Variants in RPH3A observed in about 807,000 individuals in gnomAD.
RPH3A encodes rabphilin-3A.
Under a neutral mutation model 102.2 loss-of-function variants are expected in RPH3A, and 48 were observed. That is an observed-to-expected ratio of 0.47 (90% CI 0.37 to 0.60). RPH3A has a LOEUF of 0.60. Ranked by LOEUF, RPH3A falls within the 20% of genes least tolerant of loss-of-function variation. The pLI, the probability that RPH3A is intolerant of heterozygous loss-of-function variation, is 0.00. For synonymous variants in RPH3A, 310 were observed against 324.3 expected, an observed-to-expected ratio of 0.96 and a Z score of 0.47; for missense variants, 781 against 910.1, an observed-to-expected ratio of 0.86 and a Z score of 1.83.
intron 1 of RPH3A, among the ~76,000 whole-genome samples, chr12:112,717,053 C>G (rs998114878): frequency 7.2e-5 from 11 of 152,168 alleles, no homozygotes; most frequent in Admixed American, 7.2e-4. Flanking sequence ...ATTCTTATAA[C>G]GGCCTATAAC....
rs574003285 is a variant in RPH3A, at chr12:112,888,009, A to G, written c.1563+86A>G. The G allele has an allele frequency of 1.1e-4, 161 of 1,488,628 alleles. 2 individuals carry two copies. In the African/African-American group the frequency reaches 1.4e-3, roughly 13 times the overall value. The allele number at this position is 1,488,628 out of a possible 1,614,324, so 92.2% of individuals were successfully genotyped here. On this transcript the variant is annotated intron_variant, in intron 17 of 21. Transcript: ENST00000389385. ...TCTGGGTCTGAATTGGGGGAAATAGATCCACGGGGTATTGGGTAGCAGAGG... is the reference window on the plus strand; with the variant it reads ...TCTGGGTCTGAATTGGGGGAAATAGGTCCACGGGGTATTGGGTAGCAGAGG...
intron 2 of RPH3A, among the ~76,000 whole-genome samples, chr12:112,814,088 G>A (rs531784949): frequency 1.3e-3 from 190 of 151,612 alleles, no homozygotes; most frequent in African/African-American, 3.5e-3. Flanking sequence ...GAGTGTGCAC[G>A]AGTGTGTAGG....
intron 2 of RPH3A, among the ~76,000 whole-genome samples, chr12:112,792,900 G>A (rs2041152328): frequency 6.6e-6 from 1 of 152,220 alleles, no homozygotes; most frequent in Non-Finnish European, 1.5e-5. Flanking sequence ...GAAGGGAGCA[G>A]CCACTGCCTG....
chr12:112,787,289 T>C (rs1288695669), upstream of RPH3A, among the ~76,000 whole-genome samples: 1 of 152,176 alleles, frequency 6.6e-6, no homozygotes, highest in African/African-American at 2.4e-5. Flanking sequence ...GGGCCATTAT[T>C]TTGCCTACCA....
At chr12:112,758,516 C>T (rs766223538) in intron 1 of RPH3A, among the ~76,000 whole-genome samples, 1 of 152,224 alleles carries the variant, frequency 6.6e-6, no homozygotes, top group Non-Finnish European at 1.5e-5. Flanking sequence ...GAAAAGCCCA[C>T]TATTTATTGA....
intron 1 of RPH3A, among the ~76,000 whole-genome samples, chr12:112,731,305 A>C (rs2040633022): frequency 6.6e-6 from 1 of 152,164 alleles, no homozygotes; most frequent in Non-Finnish European, 1.5e-5. Flanking sequence ...ATAAGTTTCC[A>C]TTCTCTGTTT....
intron 1 of RPH3A, among the ~76,000 whole-genome samples, chr12:112,577,127 C>T (rs1351471963): frequency 6.6e-6 from 1 of 151,924 alleles, no homozygotes. Context: ...AAAAAAAATT[C>T]GGGGCGAGTA....
chr12:112,641,663 G>A (rs139841026), intron 1 of RPH3A, among the ~76,000 whole-genome samples: 1 of 152,310 alleles, frequency 6.6e-6, no homozygotes, highest in East Asian at 1.9e-4. Context: ...CTCCCAAAGT[G>A]CTGGGATTAC....
At chr12:112,593,687 T>C (rs1722113767) in intron 1 of RPH3A, among the ~76,000 whole-genome samples, 1 of 152,236 alleles carries the variant, frequency 6.6e-6, no homozygotes, top group Admixed American at 6.5e-5. Context: ...CCAACTCTTA[T>C]TGAGTGCTGT....
intron 1 of RPH3A, among the ~76,000 whole-genome samples, chr12:112,643,705 T>G (rs1445145683): frequency 6.6e-6 from 1 of 152,168 alleles, no homozygotes; most frequent in Non-Finnish European, 1.5e-5. Context: ...GCAGGTGATC[T>G]CAGAAAACAG....
rs34648570 is a variant in RPH3A, at chr12:112,781,192, A to AAAC, written c.-139-10930_-139-10928dup. On this transcript the variant is annotated intron_variant, in intron 1 of 21. Coordinates refer to the RPH3A transcript ENST00000543106. ...CAAAACAAAACAAACAAAAAAACCAAAACAACAACAACAACAACAACAAAA... is the reference window on the plus strand; with the variant it reads ...CAAAACAAAACAAACAAAAAAACCAAAACAACAACAACAACAACAACAACAAAA... Among the ~76,000 whole-genome samples the AAAC allele has an allele frequency of 2.3e-3, 341 of 151,022 alleles. 1 individual carries two copies. Among genetic ancestry groups the AAAC allele is most frequent in the African/African-American group, 7.6e-3 (312 of 41,030 alleles).
intron 13 of RPH3A, among the ~76,000 whole-genome samples, chr12:112,877,440 A>G (rs2136239209): frequency 6.6e-6 from 1 of 151,878 alleles, no homozygotes; most frequent in African/African-American, 2.4e-5. Flanking sequence ...ACACACACAC[A>G]CACACACACA....
chr12:112,857,046 G>GGT (rs138676313), intron 5 of RPH3A, among the ~76,000 whole-genome samples: 33 of 150,118 alleles, frequency 2.2e-4, no homozygotes, highest in South Asian at 4.2e-4. Flanking sequence ...CATCTGCAGG[G>GGT]GTGTGTGTGT....
In RPH3A at chr12:112,881,731, C is replaced by T. The variant is rs148093874; in HGVS notation, c.1252-41C>T. Reference sequence around the variant, plus strand: ...TTGCCGATGACAGCTGAGCACTGGGCCCTCCTGAGGCCCTCACACCATTGC... The same window carrying T: ...TTGCCGATGACAGCTGAGCACTGGGTCCTCCTGAGGCCCTCACACCATTGC... On this transcript the variant is annotated intron_variant, in intron 14 of 21. Coordinates refer to ENST00000389385, the MANE Select transcript of RPH3A (RefSeq NM_001143854.2). 7,773 of 1,478,714 alleles carry T rather than the reference C, an allele frequency of 5.3e-3. 39 individuals are homozygous for T. Among genetic ancestry groups the T allele is most frequent in the Non-Finnish European group, 6.0e-3 (6,437 of 1,068,706 alleles). The allele number at this position is 1,478,714 out of a possible 1,614,324, so 91.6% of individuals were successfully genotyped here.
intron 2 of RPH3A, among the ~76,000 whole-genome samples, chr12:112,810,094 A>C (rs984781896): frequency 6.6e-6 from 1 of 152,042 alleles, no homozygotes; most frequent in Non-Finnish European, 1.5e-5. Flanking sequence ...GATTCCTCAG[A>C]CTCCAAACTA....
chr12:112,805,514 ACT>A (rs2136110758), intron 2 of RPH3A, among the ~76,000 whole-genome samples: 1 of 152,076 alleles, frequency 6.6e-6, no homozygotes, highest in East Asian at 1.9e-4. Context: ...CAGTGAGGGG[ACT>A]CTGCACCCGC....
At chr12:112,621,238 C>G (rs1401058590) in intron 1 of RPH3A, among the ~76,000 whole-genome samples, 1 of 151,966 alleles carries the variant, frequency 6.6e-6, no homozygotes, top group African/African-American at 2.4e-5. Flanking sequence ...CTCCGGTCTA[C>G]AGCTCCCAGC....
intron 1 of RPH3A, among the ~76,000 whole-genome samples, chr12:112,612,858 G>A (rs966732440): frequency 1.3e-5 from 2 of 151,988 alleles, no homozygotes; most frequent in African/African-American, 4.8e-5. Flanking sequence ...TTACAGGTGT[G>A]AGCCACAGCA....
chr12:112,599,410 G>A (rs551763242), intron 1 of RPH3A, among the ~76,000 whole-genome samples: 1 of 152,236 alleles, frequency 6.6e-6, no homozygotes, highest in East Asian at 1.9e-4. Context: ...CTACTCAATG[G>A]TGACTCAACC....
Sources: allele counts gnomAD v4.1 joint callset (sites outside exome capture counted in the v4.1 genomes callset), GRCh38; gene constraint gnomAD v4.1.1; transcripts MANE v1.5; gene names NCBI Gene and HGNC (gene_info 2026-07-23, HGNC 2026-07-21).